Variants in COL25A1 observed in about 807,000 individuals in gnomAD.
The protein encoded by COL25A1 is collagen alpha-1(XXV) chain.
In COL25A1, 103 loss-of-function variants were observed where a neutral mutation model predicts 128.4. The ratio of observed to expected loss-of-function variants is 0.80; its 90% confidence interval spans 0.68 to 0.94. The LOEUF (loss-of-function observed/expected upper bound fraction) is 0.94, where lower values mean the gene tolerates loss of function less well. COL25A1 is among the 40% of genes least tolerant of loss of function. COL25A1 has a pLI of 0.00. For synonymous variants in COL25A1, 279 were observed against 277.2 expected (o/e 1.01, Z -0.06); for missense variants, 745 against 840.0 (o/e 0.89, Z 1.40).
chr4:108,833,548 G>C (rs1733422937), intron 31 of COL25A1, among the ~76,000 whole-genome samples: 1 of 152,172 alleles, frequency 6.6e-6, no homozygotes, highest in African/African-American at 2.4e-5. Context: ...CTCATTTCCA[G>C]TATGACTATG....
intron 8 of COL25A1, among the ~76,000 whole-genome samples, chr4:108,959,629 T>C (rs1750447932): frequency 6.6e-6 from 1 of 152,206 alleles, no homozygotes; most frequent in Non-Finnish European, 1.5e-5. Flanking sequence ...TGACTTATTG[T>C]AACAGTTATA....
At chr4:108,915,018 C>T (rs1056049691) in intron 13 of COL25A1, among the ~76,000 whole-genome samples, 3 of 152,160 alleles carry the variant, frequency 2.0e-5, no homozygotes, top group African/African-American at 7.2e-5. Context: ...GATGCAGAGA[C>T]CACGCCCTTT....
rs201873227 is a variant in COL25A1, at chr4:109,067,686, C to A, written c.368-17507G>T. Among the ~76,000 whole-genome samples the A allele has an allele frequency of 2.0e-5, 3 of 152,254 alleles. No homozygotes were observed. The East Asian group carries it at 5.8e-4, about 29-fold the overall frequency. Reference sequence around the variant, plus strand: ...AGTAGTTTATGTACTAAGTTTAGGCCACACATGAAAGTAATATCTCCCTCA... The same window carrying A: ...AGTAGTTTATGTACTAAGTTTAGGCAACACATGAAAGTAATATCTCCCTCA... On this transcript the variant is annotated intron_variant, in intron 3 of 37. Coordinates refer to ENST00000399132, the MANE Select transcript of COL25A1 (RefSeq NM_198721.4).
intron 6 of COL25A1, among the ~76,000 whole-genome samples, chr4:109,000,752 AAAAAAAAAAAAAAAAAG>A (rs1460613262): frequency 2.1e-5 from 3 of 140,642 alleles, no homozygotes; most frequent in African/African-American, 5.1e-5. Flanking sequence ...TCAAAAAAAA[AAAAAAAAAAAAAAAAAG>A]AAAAAACTAT....
intron 3 of COL25A1, among the ~76,000 whole-genome samples, chr4:109,054,789 G>A (rs1280533943): frequency 6.6e-6 from 1 of 152,180 alleles, no homozygotes; most frequent in Admixed American, 6.5e-5. Flanking sequence ...TGAGGACGAA[G>A]CTGTTTGCAG....
In COL25A1 at chr4:109,071,662, G is replaced by T. The variant is rs565820212; in HGVS notation, c.368-21483C>A. Among the ~76,000 whole-genome samples, 28 of 152,294 alleles carry T rather than the reference G, an allele frequency of 1.8e-4. No individual in the cohort carries two copies. In the South Asian group the frequency reaches 5.6e-3, roughly 30 times the overall value. ...GGTTATGAACAGACACTTCTCAAAA[G>T]AAGACATTTATGCAGCCAAAAGACA... On this transcript the variant is annotated intron_variant, in intron 3 of 37. Transcript: ENST00000399132.
chr4:109,290,765 A>G (rs1421207125), intron 3 of COL25A1, among the ~76,000 whole-genome samples: 2 of 152,048 alleles, frequency 1.3e-5, no homozygotes, highest in Non-Finnish European at 2.9e-5. Flanking sequence ...AATGAGAAAA[A>G]AAAATTGCAA....
At chr4:108,829,866 T>C (rs1432218915) in intron 32 of COL25A1, among the ~76,000 whole-genome samples, 1 of 152,092 alleles carries the variant, frequency 6.6e-6, no homozygotes, top group Non-Finnish European at 1.5e-5. Flanking sequence ...CTGGGGAAGG[T>C]TCCTCTCTGC....
rs1579345971 is a variant in COL25A1, at chr4:109,094,410, T to G, written c.368-44231A>C. Among the ~76,000 whole-genome samples, 3 of 152,328 alleles carry G rather than the reference T, an allele frequency of 2.0e-5. No individual in the cohort carries two copies. In the Middle Eastern group the frequency reaches 0.01, roughly 518 times the overall value. On this transcript the variant is annotated intron_variant, in intron 3 of 37. Coordinates refer to ENST00000399132, the MANE Select transcript of COL25A1 (RefSeq NM_198721.4). Reference sequence around the variant, plus strand: ...CATCAGAAGAGAATCATTAAATATATCACTGTAATCTTCTTGAACATTCAA... The same window carrying G: ...CATCAGAAGAGAATCATTAAATATAGCACTGTAATCTTCTTGAACATTCAA...
At position 108,968,594 on chromosome 4, in the gene COL25A1, T is replaced by C. The variant is rs535222412; in HGVS notation, c.492+5773A>G. On this transcript the variant is annotated intron_variant, in intron 8 of 37. Coordinates refer to ENST00000399132, the MANE Select transcript of COL25A1 (RefSeq NM_198721.4). ...CTCCTTCCTTCCTCATCCCACTCCG[T>C]AAGTGTGAGTATTTTTAAAGACTCT... is the stretch of plus-strand genomic sequence containing the variant. 2.6e-5 allele frequency among the ~76,000 whole-genome samples: 4 copies of C among 152,182 alleles called. No individual in the cohort carries two copies. In the South Asian group the frequency reaches 8.3e-4, roughly 32 times the overall value.
rs375291459 is a variant in COL25A1, at chr4:108,920,618, A to G, written c.709-14T>C. The G allele has an allele frequency of 2.5e-6, 4 of 1,597,520 alleles. No individual in the cohort carries two copies. The highest frequency in any genetic ancestry group is 1.3e-5 in the African/African-American group (1 of 74,498). ...CCCTAGAGGACCCTAAAAAAGAAAA[A>G]CGATTCAATTAACATACTATTGTAG... On this transcript the variant is annotated splice_polypyrimidine_tract_variant and intron_variant, in intron 11 of 37. Transcript: ENST00000399132.
chr4:109,166,059 A>C (rs1773044272), intron 3 of COL25A1, among the ~76,000 whole-genome samples: 1 of 152,214 alleles, frequency 6.6e-6, no homozygotes, highest in African/African-American at 2.4e-5. Flanking sequence ...GAATAAAATT[A>C]GATCAATTTT....
At chr4:109,055,254 A>G (rs1761352884) in intron 3 of COL25A1, among the ~76,000 whole-genome samples, 1 of 152,236 alleles carries the variant, frequency 6.6e-6, no homozygotes. Context: ...TGTCTGTACT[A>G]CAACAGACCC....
intron 23 of COL25A1, 69 bp from the exon 24 acceptor site, chr4:108,859,802 A>G: frequency 9.0e-7 from 1 of 1,106,852 alleles, no homozygotes; most frequent in South Asian, 1.3e-5. Flanking sequence ...TGTGGCAGAA[A>G]CAGAAATACA....
At chr4:108,877,387 A>G (rs917508670) in intron 19 of COL25A1, among the ~76,000 whole-genome samples, 1 of 152,120 alleles carries the variant, frequency 6.6e-6, no homozygotes, top group Non-Finnish European at 1.5e-5. Context: ...TCCATTGTCA[A>G]TTAGTGTATG....
At chr4:108,828,637 A>G (rs1177668787) in intron 32 of COL25A1, among the ~76,000 whole-genome samples, 1 of 152,166 alleles carries the variant, frequency 6.6e-6, no homozygotes, top group East Asian at 1.9e-4. Flanking sequence ...AAAGAAAGAG[A>G]TGTTCTGTAT....
chr4:108,870,447 GA>G (rs370404159), intron 19 of COL25A1, among the ~76,000 whole-genome samples: 33,130 of 131,686 alleles, frequency 0.25, 3,990 homozygotes, highest in African/African-American at 0.32. Context: ...ACTGATCTAA[GA>G]AAAAAAAAAA....
intron 31 of COL25A1, among the ~76,000 whole-genome samples, chr4:108,838,975 T>G (rs548436680): frequency 3.9e-5 from 6 of 152,194 alleles, no homozygotes; most frequent in African/African-American, 1.4e-4. Flanking sequence ...TTTTCAACTT[T>G]TAAGCGTAGA....
At chr4:108,891,448 G>T (rs1466347906) in intron 16 of COL25A1, among the ~76,000 whole-genome samples, 1 of 152,196 alleles carries the variant, frequency 6.6e-6, no homozygotes, top group South Asian at 2.1e-4. Context: ...CCAATAAAAA[G>T]AATATTTATT....
Sources: allele counts gnomAD v4.1 joint callset (sites outside exome capture counted in the v4.1 genomes callset), GRCh38; gene constraint gnomAD v4.1.1; transcripts MANE v1.5; gene names NCBI Gene and HGNC (gene_info 2026-07-23, HGNC 2026-07-21).